EPB41L4A: variants seen among roughly 807,000 people sequenced by gnomAD.
EPB41L4A encodes the protein band 4.1-like protein 4A.
Under a neutral mutation model 108.6 loss-of-function variants are expected in EPB41L4A, and 100 were observed. That is an observed-to-expected ratio of 0.92 (90% CI 0.78 to 1.09). The LOEUF is 1.09. EPB41L4A is among the 50% of genes least tolerant of loss of function. EPB41L4A has a pLI of 0.00. For synonymous variants in EPB41L4A, 319 were observed against 289.0 expected, an observed-to-expected ratio of 1.10 and a Z score of -1.05; for missense variants, 1,030 against 842.7, an observed-to-expected ratio of 1.22 and a Z score of -2.75.
intron 12 of EPB41L4A, among the ~76,000 whole-genome samples, chr5:112,226,174 A>C (rs1748436560): frequency 6.6e-6 from 1 of 152,202 alleles, no homozygotes; most frequent in South Asian, 2.1e-4. Context: ...GGGAACATAT[A>C]TTACTTTATT....
intron 1 of EPB41L4A, among the ~76,000 whole-genome samples, chr5:112,392,513 A>C (rs1266699923): frequency 6.6e-6 from 1 of 152,166 alleles, no homozygotes; most frequent in Non-Finnish European, 1.5e-5. Context: ...ATAATGGTAA[A>C]GGGATCAATT....
chr5:112,394,041 C>G (rs1042302693), intron 1 of EPB41L4A, among the ~76,000 whole-genome samples: 4 of 152,236 alleles, frequency 2.6e-5, no homozygotes, highest in African/African-American at 9.6e-5. Flanking sequence ...ATTCAACAGC[C>G]CTTCATGCCA....
chr5:112,321,092 A>G (rs755125371), intron 1 of EPB41L4A, among the ~76,000 whole-genome samples: 1 of 152,158 alleles, frequency 6.6e-6, no homozygotes. Flanking sequence ...GGAAATTCAT[A>G]ATTATGAGCC....
At chr5:112,178,558 C>T (rs1390020288) in intron 18 of EPB41L4A, among the ~76,000 whole-genome samples, 2 of 151,624 alleles carry the variant, frequency 1.3e-5, no homozygotes, top group Admixed American at 1.3e-4. Flanking sequence ...CAATAAATTT[C>T]AAGGGATTAA....
chr5:112,377,483 T>A (rs1020829324), intron 1 of EPB41L4A, among the ~76,000 whole-genome samples: 4 of 152,174 alleles, frequency 2.6e-5, no homozygotes, highest in African/African-American at 9.7e-5. Flanking sequence ...AAACAGCAAG[T>A]ACTTGGAAGT....
At chr5:112,312,622 A>AT (rs1755122667) in intron 1 of EPB41L4A, among the ~76,000 whole-genome samples, 2 of 152,246 alleles carry the variant, frequency 1.3e-5, no homozygotes, top group African/African-American at 4.8e-5. Flanking sequence ...TCATACTGTA[A>AT]TATGATAAGA....
chr5:112,234,557 T>A, intron 12 of EPB41L4A, 77 bp downstream of exon 12: 1 of 1,380,896 alleles, frequency 7.2e-7, no homozygotes, highest in Middle Eastern at 1.9e-4. Context: ...GTTATAGACA[T>A]CACCTGAGTA....
chr5:112,223,210 A>C (rs189684821), intron 12 of EPB41L4A, among the ~76,000 whole-genome samples: 1 of 152,008 alleles, frequency 6.6e-6, no homozygotes, highest in East Asian at 1.9e-4. Context: ...AAAGTGCTGG[A>C]ATTACAGGAT....
At position 112,293,904 on chromosome 5, in the gene EPB41L4A, T is replaced by A. The variant is rs141961032; in HGVS notation, c.204+13482A>T. On this transcript the variant is annotated intron_variant, in intron 2 of 22. Transcript: ENST00000261486. ...TCTCTTCCTTTCCTATTAAACACTG[T>A]TTAACCAAGAAGAAATAGAAAAATC... 2.7e-3 allele frequency among the ~76,000 whole-genome samples: 414 copies of A among 152,332 alleles called. 3 individuals are homozygous for A. The highest frequency in any genetic ancestry group is 9.3e-3 in the African/African-American group (385 of 41,570).
chr5:112,280,378 T>C, intron 2 of EPB41L4A, 55 bp from the exon 3 acceptor site: 2 of 1,502,936 alleles, frequency 1.3e-6, no homozygotes, highest in Non-Finnish European at 9.3e-7. Context: ...CATTAGCTTT[T>C]ACTTCAAGAA....
chr5:112,320,275 G>A (rs771365301), intron 1 of EPB41L4A, among the ~76,000 whole-genome samples: 4 of 152,162 alleles, frequency 2.6e-5, no homozygotes, highest in Admixed American at 1.3e-4. Flanking sequence ...AAAAGAGGAA[G>A]GAGAAGGCTG....
At chr5:112,310,463 CT>C (rs1316033925) in intron 1 of EPB41L4A, among the ~76,000 whole-genome samples, 1 of 152,232 alleles carries the variant, frequency 6.6e-6, no homozygotes, top group Non-Finnish European at 1.5e-5. Flanking sequence ...TTCATCCTGA[CT>C]GTAATGGATT....
intron 12 of EPB41L4A, among the ~76,000 whole-genome samples, chr5:112,221,469 T>A (rs1043864369): frequency 2.0e-5 from 3 of 152,220 alleles, no homozygotes; most frequent in Non-Finnish European, 2.9e-5. Context: ...TTAAACTACT[T>A]TGGGCCACAG....
rs897494569 is a variant in EPB41L4A, at chr5:112,243,218, A to T, written c.796-2408T>A. Among the ~76,000 whole-genome samples, 9 of 142,408 alleles carry T rather than the reference A, an allele frequency of 6.3e-5. No homozygotes were observed. In the South Asian group the frequency reaches 6.4e-4, roughly 10 times the overall value. The allele number at this position is 142,408 out of a possible 152,430, so 93.4% of individuals were successfully genotyped here. A position where few individuals can be genotyped will look rare whatever the true frequency, so the allele number is the denominator to read the frequency against. On this transcript the variant is annotated intron_variant, in intron 9 of 22. Coordinates refer to ENST00000261486, the MANE Select transcript of EPB41L4A (RefSeq NM_022140.5). ...GATAAGAATGAGACTCTGTCTCGAA[A>T]ATATATATATATATATCTATGTATA... is the stretch of plus-strand genomic sequence containing the variant.
Position 112,328,100 on chromosome 5 carries a change from G to T in EPB41L4A, c.100-20610C>A, listed in dbSNP as rs1756303016. On this transcript the variant is annotated intron_variant, in intron 1 of 22. Coordinates refer to ENST00000261486, the MANE Select transcript of EPB41L4A (RefSeq NM_022140.5). ...CAAGGCAGGCAGATCACAAAGTCAG[G>T]AGATCGAGACCATCCTGGCTAACAC... Among the ~76,000 whole-genome samples the T allele has an allele frequency of 2.0e-5, 3 of 152,238 alleles. No individual in the cohort carries two copies. The South Asian group carries it at 6.2e-4, about 32-fold the overall frequency.
At chr5:112,417,688 G>A (rs1037959914) in intron 1 of EPB41L4A, among the ~76,000 whole-genome samples, 4 of 152,292 alleles carry the variant, frequency 2.6e-5, no homozygotes, top group Admixed American at 2.0e-4. Context: ...AATACCGAAT[G>A]AGAATCGAAC....
At chr5:112,317,053 T>C (rs955228379) in intron 1 of EPB41L4A, among the ~76,000 whole-genome samples, 11 of 152,140 alleles carry the variant, frequency 7.2e-5, no homozygotes, top group African/African-American at 2.7e-4. Flanking sequence ...ACTGAGTCAG[T>C]GCACATGGAA....
chr5:112,348,601 C>T (rs180990577), intron 1 of EPB41L4A, among the ~76,000 whole-genome samples: 18 of 152,156 alleles, frequency 1.2e-4, no homozygotes, highest in East Asian at 7.7e-4. Context: ...GGTGAGCTCA[C>T]GGCAAATCTG....
intron 12 of EPB41L4A, among the ~76,000 whole-genome samples, chr5:112,149,285 C>G (rs984845753): frequency 2.6e-5 from 4 of 152,110 alleles, no homozygotes; most frequent in Non-Finnish European, 5.9e-5. Context: ...AGCCTGACCA[C>G]ATGATGAAAC....
Sources: gnomAD v4.1 joint callset for allele counts (sites outside exome capture counted in the v4.1 genomes callset) on GRCh38, gnomAD v4.1.1 for gene constraint, MANE v1.5 for transcripts, NCBI Gene and HGNC (gene_info 2026-07-23, HGNC 2026-07-21) for gene names.